The following MIS18A variants were observed in gnomAD, a reference collection of about 807,000 sequenced individuals.
The protein encoded by MIS18A is protein Mis18-alpha.
Under a neutral mutation model 25.0 loss-of-function variants are expected in MIS18A, and 14 were observed. That is an observed-to-expected ratio of 0.56 (90% CI 0.37 to 0.88). The LOEUF is 0.88. Ranked by LOEUF, MIS18A falls within the 40% of genes least tolerant of loss-of-function variation. MIS18A has a pLI of 0.00. For synonymous variants in MIS18A, 134 were observed against 118.6 expected, an observed-to-expected ratio of 1.13 and a Z score of -0.84; for missense variants, 292 against 290.8, an observed-to-expected ratio of 1.00 and a Z score of -0.03.
the MIS18A span, among the ~76,000 whole-genome samples, chr21:32,154,863 T>C: frequency 2.0e-5 from 3 of 152,216 alleles, no homozygotes; most frequent in African/African-American, 7.2e-5. Context: ...TGGACAGCCA[T>C]TTGTTACTTT....
chr21:32,207,727 G>A, the MIS18A span, among the ~76,000 whole-genome samples: 43 of 151,554 alleles, frequency 2.8e-4, 1 homozygote, highest in Non-Finnish European at 1.3e-4. Context: ...TAAAGGTCTT[G>A]TTGAAACTTT....
At chr21:32,242,534 A>C in the MIS18A span, among the ~76,000 whole-genome samples, 1 of 152,178 alleles carries the variant, frequency 6.6e-6, no homozygotes, top group African/African-American at 2.4e-5. Context: ...GCTGGAGCAC[A>C]GCAAAAATGT....
chr21:32,202,275 G>A, the MIS18A span, among the ~76,000 whole-genome samples: 1 of 151,238 alleles, frequency 6.6e-6, no homozygotes, highest in East Asian at 1.9e-4. Flanking sequence ...GTGACAGACT[G>A]TGACCTTGCC....
the MIS18A span, among the ~76,000 whole-genome samples, chr21:32,262,144 AATGGGTATG>A: frequency 6.6e-6 from 1 of 152,234 alleles, no homozygotes; most frequent in African/African-American, 2.4e-5. Context: ...GCATGTGTAA[AATGGGTATG>A]ATGCTTCCTA....
chr21:32,180,365 T>C, the MIS18A span, among the ~76,000 whole-genome samples: 1 of 152,168 alleles, frequency 6.6e-6, no homozygotes, highest in South Asian at 2.1e-4. Flanking sequence ...GACCCCATTA[T>C]GCCACTTTCA....
chr21:32,190,076 C>T, the MIS18A span, among the ~76,000 whole-genome samples: 1 of 152,204 alleles, frequency 6.6e-6, no homozygotes. Flanking sequence ...TAACCATGTG[C>T]CACAGAAAAC....
chr21:32,172,761 C>G, the MIS18A span, among the ~76,000 whole-genome samples: 2 of 151,980 alleles, frequency 1.3e-5, no homozygotes, highest in African/African-American at 4.8e-5. Context: ...TAAGGATAGA[C>G]CAAAATATCA....
chr21:32,157,237 T>TTTC, the MIS18A span, among the ~76,000 whole-genome samples: 1 of 51,966 alleles, frequency 1.9e-5, no homozygotes, highest in Non-Finnish European at 3.3e-5. Flanking sequence ...TTTTTTTTTT[T>TTTC]TTTGGTAGTT....
At chr21:32,177,432 T>C in the MIS18A span, among the ~76,000 whole-genome samples, 1 of 152,136 alleles carries the variant, frequency 6.6e-6, no homozygotes, top group Non-Finnish European at 1.5e-5. Flanking sequence ...AACTATATTG[T>C]ACTAGAAGTT....
chr21:32,233,423 GA>G, the MIS18A span, among the ~76,000 whole-genome samples: 2 of 151,874 alleles, frequency 1.3e-5, no homozygotes, highest in African/African-American at 4.8e-5. Context: ...TTGTTGATAG[GA>G]AAAAAAATTG....
intron 2 of MIS18A, among the ~76,000 whole-genome samples, chr21:32,270,843 T>C (rs1045150220): frequency 5.3e-5 from 8 of 152,234 alleles, no homozygotes; most frequent in Non-Finnish European, 7.3e-5. Flanking sequence ...ATAAATATTT[T>C]AGCCTCGCCA....
chr21:32,197,174 C>A, the MIS18A span, among the ~76,000 whole-genome samples: 1 of 152,218 alleles, frequency 6.6e-6, no homozygotes, highest in African/African-American at 2.4e-5. Context: ...GTTCCGATCC[C>A]TCGGGATAGC....
the MIS18A span, among the ~76,000 whole-genome samples, chr21:32,174,081 C>CAGAGT: frequency 1.4e-5 from 2 of 147,240 alleles, no homozygotes; most frequent in African/African-American, 5.0e-5. Context: ...TCTCCTACTT[C>CAGAGT]AGCCTCCAGA....
downstream of MIS18A, among the ~76,000 whole-genome samples, chr21:32,265,075 G>A (rs1298208444): frequency 1.3e-5 from 2 of 152,236 alleles, no homozygotes; most frequent in Non-Finnish European, 2.9e-5. Context: ...GGCCGAAGGA[G>A]TAACTTCTGG....
At chr21:32,219,466 C>A in the MIS18A span, among the ~76,000 whole-genome samples, 1 of 152,200 alleles carries the variant, frequency 6.6e-6, no homozygotes, top group Non-Finnish European at 1.5e-5. Context: ...GCTTTTCCCA[C>A]GGTCTTCACA....
At chr21:32,160,970 G>C in the MIS18A span, among the ~76,000 whole-genome samples, 354 of 152,288 alleles carry the variant, frequency 2.3e-3, 2 homozygotes, top group African/African-American at 7.7e-3. Flanking sequence ...CTCTCCAAAA[G>C]AGGCAATCAG....
chr21:32,205,229 T>C, the MIS18A span, among the ~76,000 whole-genome samples: 1 of 147,080 alleles, frequency 6.8e-6, no homozygotes, highest in Non-Finnish European at 1.5e-5. Flanking sequence ...CTCAGCCTCC[T>C]GAGTAGCTGG....
chr21:32,212,636 T>C, the MIS18A span, among the ~76,000 whole-genome samples: 4 of 152,146 alleles, frequency 2.6e-5, no homozygotes, highest in African/African-American at 7.2e-5. Context: ...CTTTCACCTA[T>C]TGATATGGTT....
At chr21:32,232,844 G>A in the MIS18A span, among the ~76,000 whole-genome samples, 7 of 152,160 alleles carry the variant, frequency 4.6e-5, no homozygotes, top group African/African-American at 1.7e-4. Flanking sequence ...TACAACATGA[G>A]GACTATAGTT....
Sources: allele counts gnomAD v4.1 joint callset (sites outside exome capture counted in the v4.1 genomes callset), GRCh38; gene constraint gnomAD v4.1.1; transcripts MANE v1.5; gene names NCBI Gene and HGNC (gene_info 2026-07-23, HGNC 2026-07-21).